B9D1: variants seen among roughly 807,000 people sequenced by gnomAD.
B9D1 encodes the protein B9 domain containing 1, also known as B9 domain-containing protein 1.
A neutral mutation model predicts 26.1 loss-of-function variants in B9D1; 20 were observed. The ratio of observed to expected loss-of-function variants is 0.77; its 90% confidence interval spans 0.54 to 1.12. The LOEUF is 1.12. Among genes scored for constraint, B9D1 ranks in the 50% most tolerant of loss-of-function variants. The pLI is 0.00. For synonymous variants in B9D1, 105 were observed against 103.1 expected (o/e 1.02, Z -0.11); for missense variants, 260 against 273.7 (o/e 0.95, Z 0.35).
At chr17:19,357,696 C>T (rs989585715) in intron 3 of B9D1, 144 bp downstream of exon 3, 9 of 708,678 alleles carry the variant, frequency 1.3e-5, no homozygotes, top group East Asian at 8.0e-5. Flanking sequence ...GGACAGATGG[C>T]GAGAGAGAAC....
At chr17:19,348,880 T>C (rs922250473) in intron 3 of B9D1, among the ~76,000 whole-genome samples, 5 of 152,230 alleles carry the variant, frequency 3.3e-5, no homozygotes, top group Non-Finnish European at 7.3e-5. Context: ...CATATAACAT[T>C]CTGCGTGGGA....
chr17:19,345,155 TC>T (rs1908592040), intron 5 of B9D1, among the ~76,000 whole-genome samples: 1 of 152,068 alleles, frequency 6.6e-6, no homozygotes, highest in Non-Finnish European at 1.5e-5. Flanking sequence ...GGGAGAGCAT[TC>T]CAGGCAAGGA....
chr17:19,362,743 G>C, upstream of B9D1: 2 of 1,515,856 alleles, frequency 1.3e-6, no homozygotes, highest in Non-Finnish European at 1.8e-6. Flanking sequence ...GTGAACGGGC[G>C]CCGTTATAAG....
downstream of B9D1, chr17:19,341,040 GGTGGTGGGTAT>G (rs1907911795): frequency 1.1e-6 from 1 of 935,298 alleles, no homozygotes; most frequent in Non-Finnish European, 1.4e-6. Flanking sequence ...GTAAAATCTA[GGTGGTGGGTAT>G]GTGGTGTTCA....
upstream of B9D1, among the ~76,000 whole-genome samples, chr17:19,367,050 G>A (rs1204070023): frequency 6.6e-6 from 1 of 152,188 alleles, no homozygotes; most frequent in African/African-American, 2.4e-5. Flanking sequence ...GTTACCTCTA[G>A]AGCCAGGGCA....
intron 3 of B9D1, among the ~76,000 whole-genome samples, chr17:19,351,454 T>C (rs1380362360): frequency 6.6e-6 from 1 of 152,252 alleles, no homozygotes; most frequent in African/African-American, 2.4e-5. Context: ...GAGTTTCTTC[T>C]TTTTAATGTC....
chr17:19,377,889 C>T, exon 1 of B9D1: 1 of 985,390 alleles, frequency 1.0e-6, no homozygotes, highest in African/African-American at 1.7e-5. Context: ...AGCTGCAGTC[C>T]AACTTGGCCG....
In B9D1 at chr17:19,343,444, G is replaced by A; in HGVS notation, c.490C>T (p.Gln164Ter). ...EGREVTRVRS[Q>*]GFVTLLFNVV... ...TTGAAGAGGAGGGTGACAAAGCCCT[G>A]AGAACGGACACGGGTCACTGGGGAC... Residue 164 changes from glutamine to a stop codon, truncating the protein, a stop_gained, in exon 7 of 7, where the codon CAG becomes TAG. Transcript: ENST00000261499. LOFTEE classifies it low-confidence loss of function (END_TRUNC). The A allele has an allele frequency of 6.2e-7, 1 of 1,614,210 alleles. No homozygotes were observed.
intron 1 of B9D1, among the ~76,000 whole-genome samples, chr17:19,367,855 T>A (rs970990966): frequency 1.3e-5 from 2 of 152,172 alleles, no homozygotes; most frequent in Non-Finnish European, 2.9e-5. Context: ...ACACTAGTGG[T>A]CTGACTTGGT....
downstream of B9D1, among the ~76,000 whole-genome samples, chr17:19,339,108 T>C (rs962308854): frequency 1.3e-5 from 2 of 152,230 alleles, no homozygotes; most frequent in African/African-American, 4.8e-5. Flanking sequence ...GACCAAGTTA[T>C]TTTGTTCAGA....
At chr17:19,349,932 A>G (rs1004344681) in intron 3 of B9D1, among the ~76,000 whole-genome samples, 1 of 152,096 alleles carries the variant, frequency 6.6e-6, no homozygotes, top group Non-Finnish European at 1.5e-5. Context: ...GTTTTTTCCT[A>G]TGTATATCAA....
At position 19,347,406 on chromosome 17, in the gene B9D1, A is replaced by C; in HGVS notation, c.342-75T>G. 1.3e-6 allele frequency: 2 copies of C among 1,552,314 alleles called. No homozygotes were observed. Among genetic ancestry groups the C allele is most frequent in the South Asian group, 2.2e-5 (2 of 89,014 alleles). On this transcript the variant is annotated intron_variant, in intron 4 of 6. Transcript: ENST00000261499. The surrounding 1 kb of genome is among the most constrained non-coding windows in gnomAD (Gnocchi z 4.3). ...GAGCCTCCAGGGAGAAGAAACCCTC[A>C]GATCAGGCCAGTGCAGCTGCAGCGT...
At chr17:19,341,181 C>A, downstream of B9D1, 1 of 1,231,384 alleles carries the variant, frequency 8.1e-7, no homozygotes, top group Non-Finnish European at 1.0e-6. Context: ...ACAGGCTGGA[C>A]AAATGGGGCC....
chr17:19,343,506 G>A (rs1171206365), intron 6 of B9D1, 45 bp from the exon 7 acceptor site: 2 of 1,613,308 alleles, frequency 1.2e-6, no homozygotes, highest in Non-Finnish European at 1.7e-6. Context: ...CTGGGGCAGA[G>A]AGAGACCCAG....
At chr17:19,350,036 C>T (rs1200772872) in intron 3 of B9D1, among the ~76,000 whole-genome samples, 1 of 151,618 alleles carries the variant, frequency 6.6e-6, no homozygotes, top group Non-Finnish European at 1.5e-5. Context: ...GGCGTGAACC[C>T]GGGAGGCGGA....
intron 1 of B9D1, among the ~76,000 whole-genome samples, chr17:19,376,721 A>T (rs535266681): frequency 7.1e-6 from 1 of 139,946 alleles, no homozygotes; most frequent in South Asian, 2.4e-4. Context: ...CAGGAGGGGG[A>T]GGTTGCAGTG....
chr17:19,363,431 CTACT>C (rs1911382122), upstream of B9D1, among the ~76,000 whole-genome samples: 1 of 152,198 alleles, frequency 6.6e-6, no homozygotes, highest in African/African-American at 2.4e-5. Flanking sequence ...CACTTGGTAA[CTACT>C]AACTTGTTGA....
chr17:19,337,577 G>T (rs931062696), downstream of B9D1: 7 of 764,604 alleles, frequency 9.2e-6, no homozygotes, highest in African/African-American at 1.0e-4. Context: ...TTCAGTGCAG[G>T]GGACAGGAGA....
chr17:19,354,680 T>C lies in B9D1; in HGVS notation c.244+3160A>G, dbSNP rs148734828. On this transcript the variant is annotated intron_variant, in intron 3 of 6. Coordinates refer to ENST00000261499, the MANE Select transcript of B9D1 (RefSeq NM_015681.6). ...CCATCTCTACTAAAAATACAAAAAT[T>C]AGCCAGGCATGGTGGCAGGCACCTG... 3.6e-3 allele frequency among the ~76,000 whole-genome samples: 543 copies of C among 151,970 alleles called. 2 individuals are homozygous for C. Among genetic ancestry groups the C allele is most frequent in the Middle Eastern group, 0.034 (10 of 294 alleles).
Sources: gnomAD v4.1 joint callset for allele counts (sites outside exome capture counted in the v4.1 genomes callset) on GRCh38, gnomAD v4.1.1 for gene constraint, Gnocchi (gnomAD v3.1) non-coding constraint, MANE v1.5 for transcripts, NCBI Gene and HGNC (gene_info 2026-07-23, HGNC 2026-07-21) for gene names.